The following MPP7 variants were observed in gnomAD, a reference collection of about 807,000 sequenced individuals.
MPP7 encodes the protein MAGUK p55 subfamily member 7.
MPP7 carries 60 observed loss-of-function variants against 76.5 expected under a neutral mutation model. The observed-to-expected ratio is 0.78, with a 90% CI of 0.64 to 0.97. The LOEUF (loss-of-function observed/expected upper bound fraction) is 0.97. Ranked by LOEUF, MPP7 falls within the 50% of genes least tolerant of loss-of-function variation. The probability of loss-of-function intolerance (pLI) is 0.00; values close to 1 mark genes in which losing one functional copy is unlikely to be tolerated. For synonymous variants in MPP7, 237 were observed against 244.5 expected (o/e 0.97, Z 0.29); for missense variants, 641 against 694.0 (o/e 0.92, Z 0.86).
chr10:28,062,188 A>G (rs779043084), intron 13 of MPP7, among the ~76,000 whole-genome samples: 1 of 152,184 alleles, frequency 6.6e-6, no homozygotes, highest in African/African-American at 2.4e-5. Flanking sequence ...CAATGTATGC[A>G]AATGTAATAC....
At chr10:28,231,149 A>C (rs1838868880) in intron 2 of MPP7, among the ~76,000 whole-genome samples, 1 of 151,952 alleles carries the variant, frequency 6.6e-6, no homozygotes. Context: ...ACCACAAAGC[A>C]ATTAAGGTAA....
chr10:28,058,347 T>G (rs535324892), intron 15 of MPP7, 148 bp downstream of exon 15: 1 of 462,468 alleles, frequency 2.2e-6, no homozygotes, highest in Admixed American at 3.3e-5. Context: ...ATGTCTCCAA[T>G]TATATTTAAA....
intron 3 of MPP7, among the ~76,000 whole-genome samples, chr10:28,191,535 C>T (rs1357136831): frequency 2.0e-5 from 3 of 152,196 alleles, no homozygotes; most frequent in Non-Finnish European, 4.4e-5. Flanking sequence ...CTGACAAGGA[C>T]ATGATGCTCA....
chr10:28,086,137 G>C (rs971536440), intron 12 of MPP7, among the ~76,000 whole-genome samples: 1 of 152,038 alleles, frequency 6.6e-6, no homozygotes, highest in East Asian at 1.9e-4. Context: ...CAGGGCCTGC[G>C]GGGTGGGGGC....
At chr10:28,085,700 G>T (rs991722585) in intron 12 of MPP7, among the ~76,000 whole-genome samples, 3 of 152,138 alleles carry the variant, frequency 2.0e-5, no homozygotes, top group Non-Finnish European at 4.4e-5. Context: ...GGACTATGTC[G>T]AGGGAATATC....
intron 2 of MPP7, chr10:28,236,913 C>T (rs1474965446): frequency 6.6e-6 from 1 of 152,178 alleles, no homozygotes; most frequent in East Asian, 1.9e-4. Context: ...AATGCAGAGA[C>T]TCTTGTCTTC....
chr10:28,065,450 A>G (rs79959565), intron 13 of MPP7, among the ~76,000 whole-genome samples: 2,641 of 152,320 alleles, frequency 0.017, 63 homozygotes, highest in East Asian at 0.12. Flanking sequence ...TGAGTTCCAC[A>G]GGAACCTCAT....
chr10:28,321,102 T>C (rs1326219486), intron 2 of MPP7, among the ~76,000 whole-genome samples: 2 of 152,138 alleles, frequency 1.3e-5, no homozygotes, highest in South Asian at 2.1e-4. Flanking sequence ...CTAAAAGGTT[T>C]GAAACCTTAA....
In MPP7 at chr10:28,089,751, G is replaced by GTAC. The variant is rs1853201641; in HGVS notation, c.1042_1043insGTA (p.Asp347_Thr348insSer). On this transcript the variant is annotated inframe_insertion, in exon 12 of 17. Coordinates refer to ENST00000683449, the MANE Select transcript of MPP7 (RefSeq NM_001318170.2). Reference sequence around the variant, plus strand: ...TTCTTCGTATGTGGGTACGTCAGCTGTGTCGTACTGATCACTCTTCTTGCA... The same window carrying GTAC: ...TTCTTCGTATGTGGGTACGTCAGCTGTACTGTCGTACTGATCACTCTTCTTGCA... The GTAC allele has an allele frequency of 6.2e-7, 1 of 1,612,036 alleles. No individual in the cohort carries two copies. The highest frequency in any genetic ancestry group is 2.2e-5 in the East Asian group (1 of 44,886).
At chr10:28,153,324 AAGG>A (rs576470063) in intron 3 of MPP7, among the ~76,000 whole-genome samples, 367 of 152,132 alleles carry the variant, frequency 2.4e-3, no homozygotes, top group Non-Finnish European at 4.5e-3. Flanking sequence ...GGAAGCAGAG[AAGG>A]AGATGAGGGA....
chr10:28,174,459 C>A (rs759307179), intron 3 of MPP7, among the ~76,000 whole-genome samples: 2 of 152,172 alleles, frequency 1.3e-5, no homozygotes, highest in Admixed American at 1.3e-4. Context: ...CCATAGGACA[C>A]GCATATGCCA....
intron 2 of MPP7, among the ~76,000 whole-genome samples, chr10:28,212,119 A>G (rs559937126): frequency 1.8e-4 from 27 of 152,226 alleles, no homozygotes; most frequent in African/African-American, 6.0e-4. Flanking sequence ...TCTCGTAAAA[A>G]AAAAAAAATA....
At chr10:28,115,941 T>G (rs1469300727) in intron 11 of MPP7, among the ~76,000 whole-genome samples, 1 of 152,208 alleles carries the variant, frequency 6.6e-6, no homozygotes, top group East Asian at 1.9e-4. Flanking sequence ...CTTGTTTCTT[T>G]GACTGCAAGA....
At chr10:28,056,445 C>T (rs1329965759) in intron 16 of MPP7, 35 bp downstream of exon 16, 5 of 1,593,874 alleles carry the variant, frequency 3.1e-6, no homozygotes, top group Non-Finnish European at 4.3e-6. Context: ...AGGTGTGGGC[C>T]ACCACACCTG....
intron 6 of MPP7, among the ~76,000 whole-genome samples, chr10:28,131,065 A>G (rs1199654470): frequency 6.6e-6 from 1 of 152,196 alleles, no homozygotes; most frequent in Admixed American, 6.5e-5. Context: ...AAATAAAATT[A>G]AATTAAACAA....
At chr10:28,227,093 G>A (rs947207401) in intron 2 of MPP7, among the ~76,000 whole-genome samples, 1 of 152,142 alleles carries the variant, frequency 6.6e-6, no homozygotes, top group African/African-American at 2.4e-5. Flanking sequence ...CATAATACCT[G>A]AAGAGGACTT....
intron 11 of MPP7, among the ~76,000 whole-genome samples, chr10:28,093,066 T>A (rs1421143974): frequency 6.6e-6 from 1 of 152,130 alleles, no homozygotes; most frequent in Non-Finnish European, 1.5e-5. Context: ...TAGCCCAGTA[T>A]TAGCACGGCT....
intron 12 of MPP7, among the ~76,000 whole-genome samples, chr10:28,074,981 G>A (rs745526653): frequency 7.2e-5 from 11 of 152,056 alleles, no homozygotes; most frequent in South Asian, 2.1e-4. Context: ...CCACAGTTCC[G>A]CAGGCTGCCT....
rs1588779495 is a variant in MPP7 at position 28,108,115 on chromosome 10, G to A, written c.952+11536C>T. ...ACAGTACAAATATTCTGTCTCTGCAGATGGGGATGTGACTTCAGGATGCTC... is the reference window on the plus strand; with the variant it reads ...ACAGTACAAATATTCTGTCTCTGCAAATGGGGATGTGACTTCAGGATGCTC... On this transcript the variant is annotated intron_variant, in intron 11 of 16. Transcript: ENST00000683449. 1.3e-5 allele frequency among the ~76,000 whole-genome samples: 2 copies of A among 152,314 alleles called. 1 individual carries two copies. Among genetic ancestry groups the A allele is most frequent in the East Asian group, 3.9e-4 (2 of 5,174 alleles).
Sources: allele counts gnomAD v4.1 joint callset (sites outside exome capture counted in the v4.1 genomes callset), GRCh38; gene constraint gnomAD v4.1.1; transcripts MANE v1.5; gene names NCBI Gene and HGNC (gene_info 2026-07-23, HGNC 2026-07-21).